Variants in FIG4 observed in about 807,000 individuals in gnomAD.
The protein encoded by FIG4 is FIG4 phosphoinositide 5-phosphatase.
A neutral mutation model predicts 118.6 loss-of-function variants in FIG4; 112 were observed. That is an observed-to-expected ratio of 0.94 (90% CI 0.81 to 1.11). FIG4 has a LOEUF of 1.11. Ranked by LOEUF, FIG4 falls within the 50% of genes least tolerant of loss-of-function variation. The probability of loss-of-function intolerance (pLI) is 0.00; values close to 1 mark genes in which losing one functional copy is unlikely to be tolerated. For synonymous variants in FIG4, 369 were observed against 381.2 expected, an observed-to-expected ratio of 0.97 and a Z score of 0.37; for missense variants, 969 against 1,111.7, an observed-to-expected ratio of 0.87 and a Z score of 1.83.
At chr6:109,783,331 A>G (rs749273008) in intron 16 of FIG4, among the ~76,000 whole-genome samples, 54 of 152,310 alleles carry the variant, frequency 3.5e-4, no homozygotes, top group Non-Finnish European at 3.8e-4. Flanking sequence ...TAAAGACTGC[A>G]TTGGCCCATT....
chr6:109,762,251 C>A, intron 12 of FIG4, 44 bp downstream of exon 12: 2 of 1,197,202 alleles, frequency 1.7e-6, no homozygotes, highest in Non-Finnish European at 2.5e-6. Context: ...ATGATTTTTG[C>A]TCTTATGGGT....
At chr6:109,732,476 C>T (rs1043397506) in intron 4 of FIG4, among the ~76,000 whole-genome samples, 161 bp from the exon 5 acceptor site, 25 of 152,152 alleles carry the variant, frequency 1.6e-4, no homozygotes, top group African/African-American at 5.8e-4. Flanking sequence ...GATCAATAGA[C>T]CTAGAATTGC....
At chr6:109,780,404 G>C (rs1275734172) in intron 16 of FIG4, among the ~76,000 whole-genome samples, 1 of 152,076 alleles carries the variant, frequency 6.6e-6, no homozygotes, top group Non-Finnish European at 1.5e-5. Context: ...GTAGAGACTG[G>C]GTTTTGTCAT....
At position 109,743,413 on chromosome 6, in the gene FIG4, C is replaced by A. The variant is rs1001289557; in HGVS notation, c.1039+141C>A. The A allele has an allele frequency of 1.3e-5, 10 of 777,684 alleles. No individual in the cohort carries two copies. The African/African-American group carries it at 1.8e-4, about 14-fold the overall frequency. The allele number at this position is 777,684 out of a possible 1,614,324, so 48.2% of individuals were successfully genotyped here. A position where few individuals can be genotyped will look rare whatever the true frequency, so the allele number is the denominator to read the frequency against. ...GTAGATAATTTAGAAGAGGAATTTC[C>A]GTTATTCTTATGTAATAAATTTATG... On this transcript the variant is annotated intron_variant, in intron 9 of 22. Coordinates refer to ENST00000230124, the MANE Select transcript of FIG4 (RefSeq NM_014845.6).
At chr6:109,751,518 A>C (rs1256231073) in intron 10 of FIG4, among the ~76,000 whole-genome samples, 1 of 152,152 alleles carries the variant, frequency 6.6e-6, no homozygotes, top group Admixed American at 6.5e-5. Context: ...CCTCTGGTAG[A>C]ATTTGGCTGT....
chr6:109,777,102 G>A (rs1226230015), intron 16 of FIG4, 42 bp downstream of exon 16: 1 of 1,553,524 alleles, frequency 6.4e-7, no homozygotes, highest in African/African-American at 1.4e-5. Context: ...CCCATTTGGT[G>A]TTATTTTGAA....
chr6:109,792,256 T>C (rs759728005), intron 20 of FIG4, among the ~76,000 whole-genome samples: 3 of 152,264 alleles, frequency 2.0e-5, no homozygotes, highest in African/African-American at 4.8e-5. Flanking sequence ...AGCTGAGTAT[T>C]TGCAACAGAG....
intron 10 of FIG4, among the ~76,000 whole-genome samples, chr6:109,758,315 C>G (rs938004591): frequency 6.6e-6 from 1 of 151,982 alleles, no homozygotes; most frequent in Admixed American, 6.5e-5. Flanking sequence ...ACATCTACAA[C>G]CATCTGATCT....
intron 1 of FIG4, among the ~76,000 whole-genome samples, chr6:109,697,150 T>A (rs1166201073): frequency 1.3e-5 from 2 of 151,204 alleles, no homozygotes; most frequent in Non-Finnish European, 2.9e-5. Flanking sequence ...TAGTCCTAGC[T>A]ACTCGGGAGG....
intron 10 of FIG4, among the ~76,000 whole-genome samples, chr6:109,754,975 C>T (rs1776837655): frequency 1.3e-5 from 2 of 152,024 alleles, no homozygotes; most frequent in South Asian, 2.1e-4. Context: ...TTGCCTTCTT[C>T]TAGCTTTTGA....
intron 10 of FIG4, among the ~76,000 whole-genome samples, chr6:109,753,913 G>A (rs530155434): frequency 2.6e-5 from 4 of 151,936 alleles, no homozygotes; most frequent in Admixed American, 6.6e-5. Flanking sequence ...CCTCTTTTCC[G>A]AATTGAATAC....
chr6:109,803,239 G>A (rs1449697120), intron 22 of FIG4, among the ~76,000 whole-genome samples: 3 of 152,146 alleles, frequency 2.0e-5, no homozygotes, highest in Non-Finnish European at 2.9e-5. Context: ...TAGAGGCAGG[G>A]CGATAAACAA....
rs1297303260 is a variant in FIG4, at chr6:109,760,368, CCAAGTATA to C, written c.1258_1265del (p.Lys420GlnfsTer6). On this transcript the variant is annotated frameshift_variant, in exon 11 of 23. Transcript: ENST00000230124. LOFTEE classifies it high-confidence loss of function. ...ATTGTTTATATTCCCTGGGACATGG[CCAAGTATA>C]CCAAAAGGTGAATGATACTCATCTG... The C allele has an allele frequency of 1.2e-6, 2 of 1,612,922 alleles. No homozygotes were observed. Among genetic ancestry groups the C allele is most frequent in the Non-Finnish European group, 1.7e-6 (2 of 1,179,066 alleles).
At chr6:109,707,343 A>C (rs565588149) in intron 1 of FIG4, among the ~76,000 whole-genome samples, 1 of 120,874 alleles carries the variant, frequency 8.3e-6, no homozygotes, top group Non-Finnish European at 1.7e-5. Flanking sequence ...ATATATATAC[A>C]TATATACATA....
Position 109,716,448 on chromosome 6 carries a change from G to T in FIG4, c.169G>T (p.Val57Phe). The T allele has an allele frequency of 2.5e-6, 4 of 1,613,574 alleles. No individual in the cohort carries two copies. The highest frequency in any genetic ancestry group is 3.4e-6 in the Non-Finnish European group (4 of 1,179,592). ...GAGTAAATGTGCTTATTCTTAGCATGTCTATACTCAACAAGAAGTAAGGGA... is the reference window on the plus strand; with the variant it reads ...GAGTAAATGTGCTTATTCTTAGCATTTCTATACTCAACAAGAAGTAAGGGA... ...KDLVIIDDRH[V>F]YTQQEVRELL... Residue 57 changes from valine to phenylalanine, a missense_variant, in exon 3 of 23, where the codon GTC becomes TTC. Coordinates refer to ENST00000230124, the MANE Select transcript of FIG4 (RefSeq NM_014845.6).
intron 22 of FIG4, among the ~76,000 whole-genome samples, chr6:109,809,388 C>CA (rs1310522629): frequency 6.6e-6 from 1 of 152,056 alleles, no homozygotes; most frequent in African/African-American, 2.4e-5. Context: ...TTTATGCTAT[C>CA]ATGTGTTGGG....
intron 22 of FIG4, among the ~76,000 whole-genome samples, chr6:109,816,925 G>A (rs1197895972): frequency 6.6e-6 from 1 of 152,186 alleles, no homozygotes; most frequent in Non-Finnish European, 1.5e-5. Flanking sequence ...GCAATCCATT[G>A]GTCTGAGTTT....
Position 109,789,681 on chromosome 6 carries a change from A to G in FIG4, c.2180+4A>G. On this transcript the variant is annotated splice_donor_region_variant and intron_variant, in intron 19 of 22. Coordinates refer to ENST00000230124, the MANE Select transcript of FIG4 (RefSeq NM_014845.6). Reference sequence around the variant, plus strand: ...AAACTGGAAAATCAGTATTGGGGTAAGATTTGTGTATAGAACGAAACTTTA... The same window carrying G: ...AAACTGGAAAATCAGTATTGGGGTAGGATTTGTGTATAGAACGAAACTTTA... 3.1e-6 allele frequency: 5 copies of G among 1,595,424 alleles called. No individual in the cohort carries two copies. The highest frequency in any genetic ancestry group is 4.3e-6 in the Non-Finnish European group (5 of 1,163,038).
At chr6:109,747,583 A>T (rs6941360) in intron 10 of FIG4, among the ~76,000 whole-genome samples, 71,140 of 151,802 alleles carry the variant, frequency 0.47, 18,280 homozygotes, top group African/African-American at 0.69. Flanking sequence ...TGAGTAAGTG[A>T]TGTACTTTTC....
Sources: allele counts gnomAD v4.1 joint callset (sites outside exome capture counted in the v4.1 genomes callset), GRCh38; gene constraint gnomAD v4.1.1; transcripts MANE v1.5; gene names NCBI Gene and HGNC (gene_info 2026-07-23, HGNC 2026-07-21).